Variants in DMD observed in about 807,000 individuals in gnomAD.
The protein encoded by DMD is mutant dystrophin.
DMD carries 63 observed loss-of-function variants against 330.1 expected under a neutral mutation model. The ratio of observed to expected loss-of-function variants is 0.19; its 90% CI spans 0.16 to 0.24. The LOEUF is 0.24. Among genes scored for constraint, DMD ranks in the 10% least tolerant of loss-of-function variants. The probability of loss-of-function intolerance (pLI) is 1.00; values close to 1 mark genes in which losing one functional copy is unlikely to be tolerated. For missense variants in DMD, 3,344 were observed against 2,684.1 expected, an observed-to-expected ratio of 1.25 and a Z score of -5.43; for synonymous variants, 1,223 against 959.8, an observed-to-expected ratio of 1.27 and a Z score of -5.07.
chrX:31,735,703 T>C (rs1497440), intron 51 of DMD, among the ~76,000 whole-genome samples: 1 of 110,759 alleles, frequency 9.0e-6, no homozygotes, highest in African/African-American at 3.3e-5. Context: ...ATTCAACACA[T>C]GCAGCTCAAG....
chrX:31,586,777 T>G (rs1161437373), intron 55 of DMD, among the ~76,000 whole-genome samples: 1 of 112,223 alleles, frequency 8.9e-6, no homozygotes. Flanking sequence ...TGTATCTATT[T>G]GAGACAACTC....
At chrX:32,869,735 T>A (rs1590201) in intron 2 of DMD, among the ~76,000 whole-genome samples, 40,743 of 108,377 alleles carry the variant, frequency 0.38, 5,857 homozygotes, top group Admixed American at 0.42. Flanking sequence ...CGCAGAAAAG[T>A]CTTGATAAAA....
intron 1 of DMD, among the ~76,000 whole-genome samples, chrX:33,285,637 T>C (rs1446896805): frequency 1.8e-5 from 2 of 111,989 alleles, no homozygotes; most frequent in Admixed American, 9.5e-5. Flanking sequence ...AGCAGAGTCC[T>C]TGATATCATG....
intron 60 of DMD, among the ~76,000 whole-genome samples, chrX:31,404,151 T>C (rs1184862671): frequency 9.0e-6 from 1 of 111,084 alleles, no homozygotes; most frequent in Non-Finnish European, 1.9e-5. Context: ...GGTGGTTATA[T>C]TAAAAAAATC....
chrX:32,333,915 G>C (rs1421735415), intron 41 of DMD, among the ~76,000 whole-genome samples: 2 of 111,778 alleles, frequency 1.8e-5, no homozygotes, highest in East Asian at 5.7e-4. Context: ...AGAGGGAAGA[G>C]AGGTTCCACC....
chrX:32,319,874 A>T (rs1374065323), intron 41 of DMD, among the ~76,000 whole-genome samples: 1 of 109,217 alleles, frequency 9.2e-6, no homozygotes, highest in Admixed American at 9.9e-5. Context: ...CTCTTCCCAA[A>T]CTCTTCTCAT....
intron 7 of DMD, among the ~76,000 whole-genome samples, chrX:32,807,639 C>T (rs993139530): frequency 9.0e-6 from 1 of 111,029 alleles, no homozygotes; most frequent in African/African-American, 3.3e-5. Flanking sequence ...ATTCATGTAC[C>T]TGCCTTTTTC....
chrX:32,355,397 G>A (rs938673988), intron 37 of DMD, among the ~76,000 whole-genome samples: 10 of 111,185 alleles, frequency 9.0e-5, no homozygotes, highest in African/African-American at 2.6e-4. Context: ...CTGGTCCAAA[G>A]CAAAATTGCT....
At chrX:31,391,732 G>C (rs1046252250) in intron 60 of DMD, among the ~76,000 whole-genome samples, 1 of 109,982 alleles carries the variant, frequency 9.1e-6, no homozygotes, top group Non-Finnish European at 1.9e-5. Context: ...TTAGCTGGGC[G>C]TGGTGGCACA....
chrX:31,984,266 A>G (rs2095495629), intron 44 of DMD, among the ~76,000 whole-genome samples: 2 of 112,168 alleles, frequency 1.8e-5, no homozygotes, highest in South Asian at 7.4e-4. Context: ...ATATCAACCC[A>G]GAATATGTTT....
chrX:33,219,468 CAA>C (rs368358220), intron 1 of DMD, among the ~76,000 whole-genome samples: 142 of 62,708 alleles, frequency 2.3e-3, no homozygotes, highest in Non-Finnish European at 3.9e-3. Flanking sequence ...TTCCACTGGA[CAA>C]AAAAAAAAAA....
chrX:31,987,908 A>G (rs2095520674), intron 44 of DMD, among the ~76,000 whole-genome samples: 1 of 112,321 alleles, frequency 8.9e-6, no homozygotes, highest in Non-Finnish European at 1.9e-5. Flanking sequence ...TTGCAGCATT[A>G]TTCACAATAG....
In DMD at chrX:32,353,265, C is replaced by T. The variant is rs182253435; in HGVS notation, c.5326-4737G>A. Among the ~76,000 whole-genome samples, 31 of 111,396 alleles carry T rather than the reference C, an allele frequency of 2.8e-4. No individual in the cohort carries two copies. In the East Asian group the frequency reaches 8.2e-3, roughly 29 times the overall value. ...CATTCTAAAACAGAAAACACTTTCC[C>T]ACCCAATTAAAATTCTACATGTCAT... On this transcript the variant is annotated intron_variant, in intron 37 of 78. Coordinates refer to ENST00000357033, the MANE Select transcript of DMD (RefSeq NM_004006.3).
intron 1 of DMD, among the ~76,000 whole-genome samples, chrX:33,316,558 A>G (rs2053935081): frequency 1.8e-5 from 2 of 111,707 alleles, no homozygotes; most frequent in South Asian, 7.4e-4. Flanking sequence ...CAAATACCCT[A>G]GCATCATTTG....
intron 62 of DMD, among the ~76,000 whole-genome samples, chrX:31,302,292 T>A (rs1004816569): frequency 1.8e-5 from 2 of 111,899 alleles, no homozygotes; most frequent in African/African-American, 6.5e-5. Flanking sequence ...GACTTAGATA[T>A]GTAACAGTTG....
At chrX:32,249,022 T>C (rs1204601361) in intron 43 of DMD, among the ~76,000 whole-genome samples, 2 of 110,772 alleles carry the variant, frequency 1.8e-5, no homozygotes, top group South Asian at 3.7e-4. Context: ...TATATAATGA[T>C]ATATATTCGT....
chrX:32,374,929 C>A (rs2097895551), intron 34 of DMD, among the ~76,000 whole-genome samples: 1 of 111,637 alleles, frequency 9.0e-6, no homozygotes, highest in Non-Finnish European at 1.9e-5. Context: ...GCTTTTTGCA[C>A]AGTTTTCTTG....
chrX:32,291,936 G>A (rs2097472086), intron 42 of DMD, among the ~76,000 whole-genome samples: 1 of 111,833 alleles, frequency 8.9e-6, no homozygotes. Flanking sequence ...GTACCTTGGA[G>A]TTTAGTGCAT....
chrX:32,447,037 A>G (rs900551183), intron 27 of DMD, among the ~76,000 whole-genome samples: 1 of 111,019 alleles, frequency 9.0e-6, no homozygotes, highest in African/African-American at 3.3e-5. Context: ...TTTCTAATGA[A>G]TCACGGAGTA....
Sources: gnomAD v4.1 joint callset for allele counts (sites outside exome capture counted in the v4.1 genomes callset) on GRCh38, gnomAD v4.1.1 for gene constraint, MANE v1.5 for transcripts, NCBI Gene and HGNC (gene_info 2026-07-23, HGNC 2026-07-21) for gene names.